RSBN1L: variants seen among roughly 807,000 people sequenced by gnomAD.
RSBN1L encodes the protein lysine-specific demethylase RSBN1L.
A neutral mutation model predicts 67.7 loss-of-function variants in RSBN1L; 30 were observed. The observed-to-expected ratio is 0.44, with a 90% CI of 0.33 to 0.60. RSBN1L has a LOEUF of 0.60. Ranked by LOEUF, RSBN1L falls within the 20% of genes least tolerant of loss-of-function variation. The probability of loss-of-function intolerance (pLI) is 0.02; values close to 1 mark genes in which losing one functional copy is unlikely to be tolerated. For synonymous variants in RSBN1L, 433 were observed against 387.0 expected, an observed-to-expected ratio of 1.12 and a Z score of -1.39; for missense variants, 992 against 1,031.7, an observed-to-expected ratio of 0.96 and a Z score of 0.53.
chr7:77,696,640 C>G lies in RSBN1L; in HGVS notation c.171C>G (p.Asn57Lys), dbSNP rs1225194764. 5 of 1,613,788 alleles carry G rather than the reference C, an allele frequency of 3.1e-6. No homozygotes were observed. The African/African-American group carries it at 6.7e-5, about 22-fold the overall frequency. The change falls in exon 1 of 8, where the codon AAC (asparagine) becomes AAG (lysine). Residue 57 changes from asparagine (N) to lysine (K), a missense_variant. Asn to Lys is a moderately conservative substitution (Grantham distance 94, BLOSUM62 0). This residue lies in a region of RSBN1L where 575 missense variants were observed against 483.2 expected (regional missense o/e 1.19). Coordinates refer to ENST00000334955, the MANE Select transcript of RSBN1L (RefSeq NM_198467.3). ...AGAAGAAGGCACCGCGGAGAGTGAA[C>G]GGAGAAGGGGGCAGCGGCGGGAACA... ...TEEKKAPRRV[N>K]GEGGSGGNSR... is the part of the protein sequence containing the mutation.
At chr7:77,771,272 T>G (rs4729727) in intron 5 of RSBN1L, among the ~76,000 whole-genome samples, 87,376 of 151,642 alleles carry the variant, frequency 0.58, 27,285 homozygotes, top group African/African-American at 0.83. Context: ...CGGTTTTAGC[T>G]GTTACAGTGA....
intron 1 of RSBN1L, among the ~76,000 whole-genome samples, chr7:77,720,593 A>G (rs1027943563): frequency 1.3e-5 from 2 of 152,136 alleles, no homozygotes; most frequent in African/African-American, 4.8e-5. Context: ...GTTATTATCT[A>G]TACAGATGAG....
intron 1 of RSBN1L, among the ~76,000 whole-genome samples, chr7:77,707,758 A>T (rs1465243704): frequency 1.3e-5 from 2 of 152,202 alleles, no homozygotes; most frequent in Admixed American, 1.3e-4. Flanking sequence ...TGGCATCTAT[A>T]TCAAGCACTT....
intron 1 of RSBN1L, among the ~76,000 whole-genome samples, chr7:77,724,588 G>A: frequency 6.6e-6 from 1 of 151,578 alleles, no homozygotes; most frequent in Non-Finnish European, 1.5e-5. Context: ...ACCATGCCCA[G>A]CTAATTTTTG....
chr7:77,700,615 G>C (rs1790803497), intron 1 of RSBN1L, among the ~76,000 whole-genome samples: 1 of 152,088 alleles, frequency 6.6e-6, no homozygotes, highest in Admixed American at 6.5e-5. Context: ...TACAATTTTA[G>C]GTTAAATTCA....
At chr7:77,709,847 T>C (rs113506921) in intron 1 of RSBN1L, among the ~76,000 whole-genome samples, 141 of 152,350 alleles carry the variant, frequency 9.3e-4, no homozygotes, top group Non-Finnish European at 1.7e-3. Context: ...TAAATCTATA[T>C]AAATTGCCTC....
rs2150436821 is a variant in RSBN1L at position 77,781,585 on chromosome 7, T to G, written c.*2417T>G. 1 of 152,348 alleles carries G rather than the reference T, an allele frequency of 6.6e-6. No individual in the cohort carries two copies. The highest frequency in any genetic ancestry group is 1.9e-4 in the East Asian group (1 of 5,186). 9.4% of individuals were successfully genotyped at this position (152,348 alleles called of 1,614,324 possible). Reference sequence around the variant, plus strand: ...AAATAGGAGCCTTAAACTTTTTAACTTAAAGGAAGGCATATCTAAAAACCA... The same window carrying G: ...AAATAGGAGCCTTAAACTTTTTAACGTAAAGGAAGGCATATCTAAAAACCA... On this transcript the variant is annotated 3_prime_UTR_variant, in exon 8 of 8. Transcript: ENST00000334955.
At chr7:77,713,518 G>A (rs965706573) in intron 1 of RSBN1L, among the ~76,000 whole-genome samples, 16 of 151,788 alleles carry the variant, frequency 1.1e-4, no homozygotes, top group African/African-American at 3.4e-4. Context: ...CACCATGCCC[G>A]GCTAATTTTT....
rs1435183767 is a variant in RSBN1L, at chr7:77,778,695, C to G, written c.2068C>G (p.Leu690Val). ...ATGCAGTTTAGCATGGCATATTCGG[C>G]TCAAATTATATCACTCAGAGGAGGA... ...AVCSLAWHIR[L>V]KLYHSEEDTS... The change falls in exon 8 of 8, where the codon CTC (leucine) becomes GTC (valine). Residue 690 changes from leucine (L) to valine (V), a missense_variant. Around this residue, in one of 7 missense-constraint regions of RSBN1L, gnomAD observed 55 missense variants for 112.8 expected, o/e 0.49. Coordinates refer to ENST00000334955, the MANE Select transcript of RSBN1L (RefSeq NM_198467.3). The G allele has an allele frequency of 6.2e-7, 1 of 1,613,876 alleles. No homozygotes were observed. Among genetic ancestry groups the G allele is most frequent in the African/African-American group, 1.3e-5 (1 of 74,888 alleles).
At chr7:77,747,133 T>G (rs1354005156) in intron 2 of RSBN1L, among the ~76,000 whole-genome samples, 1 of 152,080 alleles carries the variant, frequency 6.6e-6, no homozygotes, top group Non-Finnish European at 1.5e-5. Flanking sequence ...GTGTGGGGGC[T>G]CCAACCCCAC....
At chr7:77,701,709 T>C (rs1213626998) in intron 1 of RSBN1L, among the ~76,000 whole-genome samples, 1 of 151,112 alleles carries the variant, frequency 6.6e-6, no homozygotes, top group Non-Finnish European at 1.5e-5. Context: ...TGGAGTGCAG[T>C]GGCATGATCT....
rs1184927422 is a variant in RSBN1L, at chr7:77,717,730, A to T, written c.587-18680A>T. ...AGATACTAAGGCAGTTAAGAAAGGGACAAGGTCCCGGGTGTGGCTGCTCAC... is the reference window on the plus strand; with the variant it reads ...AGATACTAAGGCAGTTAAGAAAGGGTCAAGGTCCCGGGTGTGGCTGCTCAC... On this transcript the variant is annotated intron_variant, in intron 1 of 7. Coordinates refer to ENST00000334955, the MANE Select transcript of RSBN1L (RefSeq NM_198467.3). Among the ~76,000 whole-genome samples, 3 of 152,206 alleles carry T rather than the reference A, an allele frequency of 2.0e-5. No homozygotes were observed. In the East Asian group the frequency reaches 5.8e-4, roughly 29 times the overall value.
chr7:77,732,415 C>T (rs1323156174), intron 1 of RSBN1L, among the ~76,000 whole-genome samples: 12 of 152,144 alleles, frequency 7.9e-5, no homozygotes, highest in Admixed American at 7.9e-4. Context: ...TCACTGCAAC[C>T]TCTGCCTCCT....
chr7:77,700,210 T>G (rs1001659236), intron 1 of RSBN1L, among the ~76,000 whole-genome samples: 1 of 152,164 alleles, frequency 6.6e-6, no homozygotes, highest in African/African-American at 2.4e-5. Context: ...AATTGGTAAG[T>G]GTGGAAAGTA....
intron 5 of RSBN1L, among the ~76,000 whole-genome samples, chr7:77,770,878 A>G (rs1008385183): frequency 4.6e-5 from 7 of 152,192 alleles, no homozygotes; most frequent in African/African-American, 9.6e-5. Context: ...GAAAATGTAC[A>G]TTAGGTTAAC....
intron 3 of RSBN1L, among the ~76,000 whole-genome samples, chr7:77,762,794 C>T (rs1360660867): frequency 1.3e-5 from 2 of 152,204 alleles, no homozygotes; most frequent in South Asian, 2.1e-4. Context: ...ATATTATCTC[C>T]TACTCTCTAT....
chr7:77,702,013 G>C (rs118169586), intron 1 of RSBN1L, among the ~76,000 whole-genome samples: 1 of 151,176 alleles, frequency 6.6e-6, no homozygotes, highest in South Asian at 2.1e-4. Flanking sequence ...CTGTCGCCCA[G>C]GCTGGAGTGC....
chr7:77,719,776 T>C (rs899243183), intron 1 of RSBN1L, among the ~76,000 whole-genome samples: 1 of 152,162 alleles, frequency 6.6e-6, no homozygotes, highest in Non-Finnish European at 1.5e-5. Flanking sequence ...TAAAAAAATT[T>C]TTTTTAGAGA....
At chr7:77,709,148 CTGTTTGTGTGTG>C (rs1273500742) in intron 1 of RSBN1L, among the ~76,000 whole-genome samples, 4 of 113,010 alleles carry the variant, frequency 3.5e-5, no homozygotes, top group Admixed American at 1.0e-4. Context: ...AGAAGGGATT[CTGTTTGTGTGTG>C]TGTGTGTGTG....
Sources: gnomAD v4.1 joint callset for allele counts (sites outside exome capture counted in the v4.1 genomes callset) on GRCh38, gnomAD v4.1.1 for gene constraint, gnomAD v4.1.1 regional missense constraint, MANE v1.5 for transcripts, NCBI Gene and HGNC (gene_info 2026-07-23, HGNC 2026-07-21) for gene names.